SHISA9: variants seen among roughly 807,000 people sequenced by gnomAD.
The protein encoded by SHISA9 is protein shisa-9.
A neutral mutation model predicts 38.0 loss-of-function variants in SHISA9; 13 were observed. The ratio of observed to expected loss-of-function variants is 0.34; its 90% CI spans 0.22 to 0.54. The LOEUF (loss-of-function observed/expected upper bound fraction) is 0.54, where lower values mean the gene tolerates loss of function less well. SHISA9 is among the 20% of genes least tolerant of loss of function. The probability of loss-of-function intolerance (pLI) is 0.91; values close to 1 mark genes in which losing one functional copy is unlikely to be tolerated. For missense variants in SHISA9, 538 were observed against 575.8 expected (o/e 0.93, Z 0.67); for synonymous variants, 275 against 242.0 (o/e 1.14, Z -1.27).
At chr16:12,913,794 G>T (rs8059396) in intron 1 of SHISA9, among the ~76,000 whole-genome samples, 45,620 of 151,882 alleles carry the variant, frequency 0.3, 7,214 homozygotes, top group African/African-American at 0.34. Context: ...CCTCTTTCAC[G>T]GGGAATAATA....
chr16:12,907,174 T>C (rs2141707800), intron 1 of SHISA9, among the ~76,000 whole-genome samples: 4 of 86,822 alleles, frequency 4.6e-5, no homozygotes, highest in Admixed American at 1.6e-4. Flanking sequence ...TCCATCCCCC[T>C]TCCACCCTTC....
intron 2 of SHISA9, among the ~76,000 whole-genome samples, chr16:13,074,898 A>G (rs1596630442): frequency 1.3e-5 from 2 of 152,104 alleles, no homozygotes; most frequent in African/African-American, 4.8e-5. Flanking sequence ...TCCTGACCTC[A>G]GGTGATCCAC....
At chr16:13,376,869 G>A in the SHISA9 span, among the ~76,000 whole-genome samples, 3 of 151,998 alleles carry the variant, frequency 2.0e-5, no homozygotes, top group African/African-American at 4.8e-5. Context: ...TGTATTTCTT[G>A]TAGAGATGTG....
At chr16:13,494,319 T>A in the SHISA9 span, among the ~76,000 whole-genome samples, 1 of 152,070 alleles carries the variant, frequency 6.6e-6, no homozygotes, top group Admixed American at 6.6e-5. Flanking sequence ...GTCTGAGGGA[T>A]GAGGATGCAA....
At chr16:13,117,847 GC>G (rs2141974181) in intron 2 of SHISA9, among the ~76,000 whole-genome samples, 1 of 152,162 alleles carries the variant, frequency 6.6e-6, no homozygotes, top group East Asian at 1.9e-4. Context: ...CTCTGCGGGA[GC>G]CTTTTGCATA....
At chr16:13,494,227 C>T in the SHISA9 span, among the ~76,000 whole-genome samples, 1 of 152,146 alleles carries the variant, frequency 6.6e-6, no homozygotes, top group African/African-American at 2.4e-5. Context: ...ACTATTTCTC[C>T]TCTGCCCACA....
the SHISA9 span, among the ~76,000 whole-genome samples, chr16:13,507,236 A>G: frequency 6.6e-6 from 1 of 152,072 alleles, no homozygotes; most frequent in Non-Finnish European, 1.5e-5. Flanking sequence ...AGATAAGAAC[A>G]ATGAGACTCA....
the SHISA9 span, among the ~76,000 whole-genome samples, chr16:13,405,622 C>T: frequency 2.9e-4 from 44 of 152,120 alleles, no homozygotes; most frequent in African/African-American, 1.0e-3. Flanking sequence ...AGCCCTTGTC[C>T]ACTTCCTTCT....
the SHISA9 span, among the ~76,000 whole-genome samples, chr16:13,344,159 T>A: frequency 1.3e-5 from 2 of 152,174 alleles, no homozygotes; most frequent in East Asian, 3.9e-4. Flanking sequence ...TTACTTATAA[T>A]GAAATCACCC....
At chr16:13,530,329 T>C in the SHISA9 span, among the ~76,000 whole-genome samples, 2 of 152,118 alleles carry the variant, frequency 1.3e-5, no homozygotes, top group South Asian at 4.2e-4. Context: ...AATAAATAAA[T>C]ATCACCTACC....
intron 2 of SHISA9, among the ~76,000 whole-genome samples, chr16:12,928,631 C>T (rs1442316508): frequency 6.6e-6 from 1 of 152,120 alleles, no homozygotes; most frequent in Non-Finnish European, 1.5e-5. Context: ...CACCTACTAT[C>T]CAAAGGAAGC....
the SHISA9 span, among the ~76,000 whole-genome samples, chr16:13,503,712 T>C: frequency 6.6e-6 from 1 of 152,076 alleles, no homozygotes; most frequent in Non-Finnish European, 1.5e-5. Context: ...TGTAACTGTA[T>C]TTAACCCACC....
chr16:13,515,874 A>G, the SHISA9 span, among the ~76,000 whole-genome samples: 1 of 152,204 alleles, frequency 6.6e-6, no homozygotes, highest in Non-Finnish European at 1.5e-5. Flanking sequence ...ATACTGAGAG[A>G]TTGTCAAATG....
the SHISA9 span, among the ~76,000 whole-genome samples, chr16:13,257,965 ACTT>A: frequency 6.6e-6 from 1 of 152,196 alleles, no homozygotes; most frequent in South Asian, 2.1e-4. Flanking sequence ...TCATGACCAG[ACTT>A]CTCAGTATGC....
At chr16:13,556,468 G>A in the SHISA9 span, among the ~76,000 whole-genome samples, 1 of 152,084 alleles carries the variant, frequency 6.6e-6, no homozygotes, top group Non-Finnish European at 1.5e-5. Flanking sequence ...AGACCATCCT[G>A]GCTAACATGG....
chr16:13,202,980 A>G (rs1327114649), intron 2 of SHISA9, among the ~76,000 whole-genome samples: 2 of 152,194 alleles, frequency 1.3e-5, no homozygotes, highest in Middle Eastern at 3.2e-3. Flanking sequence ...GCCAGTACTC[A>G]TGTCCTTCAA....
chr16:13,090,835 A>G (rs2073767420), intron 2 of SHISA9, among the ~76,000 whole-genome samples: 2 of 152,230 alleles, frequency 1.3e-5, no homozygotes, highest in South Asian at 2.1e-4. Flanking sequence ...TGATCCTGTC[A>G]TTATGATGTT....
chr16:13,519,448 C>G, the SHISA9 span, among the ~76,000 whole-genome samples: 12 of 152,276 alleles, frequency 7.9e-5, no homozygotes, highest in East Asian at 1.7e-3. Context: ...GAAGTATTTC[C>G]AAACATAAAT....
the SHISA9 span, among the ~76,000 whole-genome samples, chr16:13,360,625 T>C: frequency 6.6e-6 from 1 of 152,338 alleles, no homozygotes; most frequent in South Asian, 2.1e-4. Flanking sequence ...TAAACCTCTT[T>C]CCTTTATAAA....
Sources: allele counts gnomAD v4.1 joint callset (sites outside exome capture counted in the v4.1 genomes callset), GRCh38; gene constraint gnomAD v4.1.1; transcripts MANE v1.5; gene names NCBI Gene and HGNC (gene_info 2026-07-23, HGNC 2026-07-21).